PRKACA: variants seen among roughly 807,000 people sequenced by gnomAD.
The protein encoded by PRKACA is protein kinase cAMP-activated catalytic subunit alpha, also known as cAMP-dependent protein kinase catalytic subunit alpha.
A neutral mutation model predicts 45.8 loss-of-function variants in PRKACA; 9 were observed. That is an observed-to-expected ratio of 0.20 (90% confidence interval 0.12 to 0.34). The LOEUF is 0.34. Ranked by LOEUF, PRKACA falls within the 10% of genes least tolerant of loss-of-function variation. PRKACA has a pLI of 1.00. For missense variants in PRKACA, 238 were observed against 458.6 expected (o/e 0.52, Z 4.39); for synonymous variants, 160 against 178.6 (o/e 0.90, Z 0.83).
Position 14,104,336 on chromosome 19 carries a change from CA to C in PRKACA, c.238-1423del, listed in dbSNP as rs769115807. The stretch of plus-strand genomic sequence containing the variant: ...TGGGTGGCAGAGCGAGACTCCGTCT[CA>C]AAAAAAAAAAAAAAAAAACAACAAC... On this transcript the variant is annotated intron_variant, in intron 3 of 9. Transcript: ENST00000308677. 6.1e-3 allele frequency among the ~76,000 whole-genome samples: 294 copies of C among 48,216 alleles called. 1 individual carries two copies. Among genetic ancestry groups the C allele is most frequent in the East Asian group, 0.026 (46 of 1,784 alleles). The allele number at this position is 48,216 out of a possible 152,430, so 31.6% of individuals were successfully genotyped here.
At chr19:14,110,827 C>G (rs1178947220) in intron 1 of PRKACA, among the ~76,000 whole-genome samples, 1 of 152,172 alleles carries the variant, frequency 6.6e-6, no homozygotes, top group East Asian at 1.9e-4. Flanking sequence ...TGCCTGCCCC[C>G]ACATCCCATG....
chr19:14,093,041 A>AGGGGGCCC lies in PRKACA; in HGVS notation c.*70_*71insGGGCCCCC. ...CTGGGGCCCTCTGGCTGTTCAATCC[A>AGGGGGCCC]ACCCTCCCACCCCCCCGACCAAAAA... On this transcript the variant is annotated 3_prime_UTR_variant, in exon 10 of 10. Coordinates refer to ENST00000308677, the MANE Select transcript of PRKACA (RefSeq NM_002730.4). The AGGGGGCCC allele has an allele frequency of 1.8e-5, 9 of 500,022 alleles. No individual in the cohort carries two copies. Among genetic ancestry groups the AGGGGGCCC allele is most frequent in the East Asian group, 3.4e-5 (1 of 29,534 alleles). The allele number at this position is 500,022 out of a possible 1,614,324, so 31.0% of individuals were successfully genotyped here.
Position 14,092,895 on chromosome 19 carries a change from G to A in PRKACA, c.*217C>T. On this transcript the variant is annotated 3_prime_UTR_variant, in exon 10 of 10. Coordinates refer to ENST00000308677, the MANE Select transcript of PRKACA (RefSeq NM_002730.4). ...AGAGGAAGGGAAAAGTGGGAGAGGGGGCAGGAGGGTGAAGGGGATGAGGGG... is the reference window on the plus strand; with the variant it reads ...AGAGGAAGGGAAAAGTGGGAGAGGGAGCAGGAGGGTGAAGGGGATGAGGGG... The A allele has an allele frequency of 3.5e-6, 2 of 566,500 alleles. No homozygotes were observed. The highest frequency in any genetic ancestry group is 3.1e-5 in the Admixed American group (1 of 31,816). The allele number at this position is 566,500 out of a possible 1,614,324, so 35.1% of individuals were successfully genotyped here. A position where few individuals can be genotyped will look rare whatever the true frequency, so the allele number is the denominator to read the frequency against.
chr19:14,097,027 C>T lies in PRKACA; in HGVS notation c.765+334G>A. 2.7e-6 allele frequency: 1 copy of T among 372,138 alleles called. No homozygotes were observed. The highest frequency in any genetic ancestry group is 9.3e-4 in the Middle Eastern group (1 of 1,070). 23.1% of individuals were successfully genotyped at this position (372,138 alleles called of 1,614,324 possible). On this transcript the variant is annotated intron_variant, in intron 8 of 9. Transcript: ENST00000308677. The surrounding 1 kb of genome is among the most constrained non-coding windows in gnomAD (Gnocchi z 5.4). The stretch of plus-strand genomic sequence containing the variant: ...GGAACCAAATACATTCGTTTTTCTG[C>T]CTTGGAATTTGCGAAAACTCACACT...
At chr19:14,114,165 C>T (rs753663497) in intron 1 of PRKACA, 4 of 1,611,036 alleles carry the variant, frequency 2.5e-6, no homozygotes, top group South Asian at 2.2e-5. Flanking sequence ...TCACTCAGTC[C>T]TGTTCTCAGG....
intron 9 of PRKACA, 92 bp from the exon 10 acceptor site, chr19:14,093,329 T>C (rs1185411671): frequency 3.3e-6 from 5 of 1,500,380 alleles, no homozygotes; most frequent in South Asian, 1.2e-5. Context: ...TCAAGAGATA[T>C]TTACTCTGAC....
At chr19:14,110,250 T>C (rs1236650847) in intron 1 of PRKACA, among the ~76,000 whole-genome samples, 1 of 151,418 alleles carries the variant, frequency 6.6e-6, no homozygotes, top group East Asian at 2.0e-4. Context: ...GCCCAGGAGA[T>C]TGAGGTTGCA....
Position 14,117,641 on chromosome 19 carries a change from G to A in PRKACA, c.-94C>T, listed in dbSNP as rs1437764567. ...CCGGAGCGCGCTGGGCGGCGGCGGCGGCGGCCCTCGGGCTGGCTGCGCTAG... is the reference window on the plus strand; with the variant it reads ...CCGGAGCGCGCTGGGCGGCGGCGGCAGCGGCCCTCGGGCTGGCTGCGCTAG... On this transcript the variant is annotated 5_prime_UTR_variant, in exon 1 of 10. Coordinates refer to ENST00000308677, the MANE Select transcript of PRKACA (RefSeq NM_002730.4). 1 of 757,768 alleles carries A rather than the reference G, an allele frequency of 1.3e-6. No homozygotes were observed. The highest frequency in any genetic ancestry group is 1.3e-4 in the East Asian group (1 of 7,640). The allele number at this position is 757,768 out of a possible 1,614,324, so 46.9% of individuals were successfully genotyped here.
chr19:14,092,492 G>T lies in PRKACA; in HGVS notation c.*620C>A. On this transcript the variant is annotated 3_prime_UTR_variant, in exon 10 of 10. Transcript: ENST00000308677. Reference sequence around the variant, plus strand: ...TCTCTTTAAAATGGATTTGAGGAATGGGGGGACATGGGAGGGGTGGGAGTA... The same window carrying T: ...TCTCTTTAAAATGGATTTGAGGAATTGGGGGACATGGGAGGGGTGGGAGTA... 2.5e-6 allele frequency: 1 copy of T among 396,732 alleles called. No homozygotes were observed. Among genetic ancestry groups the T allele is most frequent in the East Asian group, 3.6e-5 (1 of 27,970 alleles). 24.6% of individuals were successfully genotyped at this position (396,732 alleles called of 1,614,324 possible). A position where few individuals can be genotyped will look rare whatever the true frequency, so the allele number is the denominator to read the frequency against.
chr19:14,108,146 A>G, intron 1 of PRKACA: 1 of 985,498 alleles, frequency 1.0e-6, no homozygotes, highest in Non-Finnish European at 1.2e-6. Flanking sequence ...CTGCTGAGAC[A>G]CAGCCCAGCA....
chr19:14,110,421 C>T (rs913333374), intron 1 of PRKACA, among the ~76,000 whole-genome samples: 7 of 151,632 alleles, frequency 4.6e-5, no homozygotes, highest in Admixed American at 1.3e-4. Flanking sequence ...AAAATAAAAA[C>T]ATTAGCCAGG....
intron 1 of PRKACA, among the ~76,000 whole-genome samples, chr19:14,116,310 G>C (rs1276870824): frequency 6.6e-6 from 1 of 152,154 alleles, no homozygotes; most frequent in East Asian, 1.9e-4. Context: ...CTCTTTCTCT[G>C]GCTGGCTGGA....
chr19:14,102,978 A>C, intron 3 of PRKACA, 64 bp from the exon 4 acceptor site: 1 of 1,294,014 alleles, frequency 7.7e-7, no homozygotes, highest in Non-Finnish European at 1.1e-6. Context: ...ATTTCCCCTA[A>C]TGCCTGGAAC....
At chr19:14,117,313 G>A (rs1217897304) in intron 1 of PRKACA, among the ~76,000 whole-genome samples, 189 bp downstream of exon 1, 3 of 151,780 alleles carry the variant, frequency 2.0e-5, no homozygotes, top group Non-Finnish European at 2.9e-5. Context: ...CGGCCCTAGG[G>A]GAAGGGGACC....
At chr19:14,102,993 G>GGAA in intron 3 of PRKACA, 79 bp from the exon 4 acceptor site, 1 of 1,178,776 alleles carries the variant, frequency 8.5e-7, no homozygotes, top group Non-Finnish European at 1.3e-6. Flanking sequence ...TGGAACTAGG[G>GGAA]ATGCCGGAGC....
chr19:14,111,721 T>A (rs1966972553), intron 1 of PRKACA, among the ~76,000 whole-genome samples: 1 of 152,228 alleles, frequency 6.6e-6, no homozygotes, highest in Admixed American at 6.5e-5. Context: ...ATTACGGGCA[T>A]GAGCCACTGT....
intron 8 of PRKACA, among the ~76,000 whole-genome samples, chr19:14,095,166 TTC>T (rs1247746563): frequency 6.6e-6 from 1 of 151,896 alleles, no homozygotes; most frequent in African/African-American, 2.4e-5. Context: ...ACATTTTTTT[TTC>T]TTTTTTTCTT....
At position 14,104,231 on chromosome 19, in the gene PRKACA, G is replaced by A. The variant is rs188622541; in HGVS notation, c.238-1317C>T. Among the ~76,000 whole-genome samples the A allele has an allele frequency of 3.7e-3, 556 of 151,262 alleles. 5 individuals are homozygous for A. Among genetic ancestry groups the A allele is most frequent in the African/African-American group, 0.013 (537 of 41,140 alleles). ...GGGCGCCTGTAGTCCCTGCTACTCG[G>A]GAGGCTGAGGCAGGAGAATGGCATG... On this transcript the variant is annotated intron_variant, in intron 3 of 9. Transcript: ENST00000308677.
rs776617544 is a variant in PRKACA, at chr19:14,097,501, G to T, written c.643-18C>A. Reference sequence around the variant, plus strand: ...TTGTAGCCCTGGAGCAAGATGGGGGGGCACAGGGTGAGGAGGAGGCGAGAG... The same window carrying T: ...TTGTAGCCCTGGAGCAAGATGGGGGTGCACAGGGTGAGGAGGAGGCGAGAG... On this transcript the variant is annotated intron_variant, in intron 7 of 9. Coordinates refer to ENST00000308677, the MANE Select transcript of PRKACA (RefSeq NM_002730.4). This position sits in a 1 kb window ranked among gnomAD's most constrained non-coding sequence, Gnocchi z 5.4. The T allele has an allele frequency of 2.5e-6, 4 of 1,613,964 alleles. No individual in the cohort carries two copies. Among genetic ancestry groups the T allele is most frequent in the East Asian group, 2.2e-5 (1 of 44,892 alleles).
Sources: allele counts gnomAD v4.1 joint callset (sites outside exome capture counted in the v4.1 genomes callset), GRCh38; gene constraint gnomAD v4.1.1; non-coding constraint Gnocchi (gnomAD v3.1); transcripts MANE v1.5; gene names NCBI Gene and HGNC (gene_info 2026-07-23, HGNC 2026-07-21).